The following SLC30A7 variants were observed in gnomAD, a reference collection of about 807,000 sequenced individuals.
SLC30A7 encodes the protein solute carrier family 30 member 7, also known as zinc transporter 7.
SLC30A7 carries 35 observed loss-of-function variants against 46.0 expected under a neutral mutation model. That is an observed-to-expected ratio of 0.76 (90% CI 0.58 to 1.01). The LOEUF is 1.01. Ranked by LOEUF, SLC30A7 falls within the 50% of genes least tolerant of loss-of-function variation. The pLI, the probability that SLC30A7 is intolerant of heterozygous loss-of-function variation, is 0.00. For missense variants in SLC30A7, 464 were observed against 451.1 expected (o/e 1.03, Z -0.26); for synonymous variants, 147 against 157.8 (o/e 0.93, Z 0.51).
chr1:100,913,632 A>T, intron 5 of SLC30A7, 31 bp from the exon 6 acceptor site: 1 of 1,531,318 alleles, frequency 6.5e-7, no homozygotes, highest in Non-Finnish European at 9.0e-7. Flanking sequence ...ATATTTTTAC[A>T]TACCTTCTGT....
intron 4 of SLC30A7, 77 bp downstream of exon 4, chr1:100,911,227 G>T: frequency 1.0e-6 from 1 of 985,348 alleles, no homozygotes; most frequent in South Asian, 1.6e-5. Context: ...ATATATGTAA[G>T]TTTTTTTCAA....
rs145020386 is a variant in SLC30A7, at chr1:100,949,818, C to T, written c.843-12010C>T. On this transcript the variant is annotated intron_variant, in intron 8 of 10. Coordinates refer to ENST00000357650, the MANE Select transcript of SLC30A7 (RefSeq NM_133496.5). ...CTCTGTGGGTATGGGACCCACTAAG[C>T]CAGGCATGAGAGAGAATCTCCTGGT... is the stretch of plus-strand genomic sequence containing the variant. 2.0e-5 allele frequency among the ~76,000 whole-genome samples: 3 copies of T among 152,328 alleles called. No homozygotes were observed. The East Asian group carries it at 5.8e-4, about 29-fold the overall frequency.
intron 9 of SLC30A7, among the ~76,000 whole-genome samples, chr1:100,962,402 A>T (rs1277585862): frequency 6.6e-6 from 1 of 152,254 alleles, no homozygotes; most frequent in Non-Finnish European, 1.5e-5. Flanking sequence ...GCTACCTTAG[A>T]TTCACTAAGG....
intron 2 of SLC30A7, 130 bp from the exon 3 acceptor site, chr1:100,906,722 A>G: frequency 1.6e-6 from 1 of 630,080 alleles, no homozygotes; most frequent in South Asian, 1.9e-5. Context: ...AGCTATCTAT[A>G]TAGCATATTT....
chr1:100,928,051 A>G (rs967488714), intron 8 of SLC30A7, among the ~76,000 whole-genome samples: 3 of 152,196 alleles, frequency 2.0e-5, no homozygotes, highest in Admixed American at 6.5e-5. Context: ...GATTGCCCAC[A>G]TGGATAATTT....
chr1:100,961,802 TA>T, intron 8 of SLC30A7, 25 bp from the exon 9 acceptor site: 1 of 1,439,020 alleles, frequency 6.9e-7, no homozygotes, highest in Non-Finnish European at 9.7e-7. Context: ...GTGACTTTAA[TA>T]AATTGTTGTC....
rs750876200 is a variant in SLC30A7 at position 100,896,108 on chromosome 1, G to T, written c.-155G>T. On this transcript the variant is annotated 5_prime_UTR_variant, in exon 1 of 11. Coordinates refer to ENST00000357650, the MANE Select transcript of SLC30A7 (RefSeq NM_133496.5). Reference sequence around the variant, plus strand: ...CCGGGCCGGAAGTAAGCGAATTCCCGGGTGTGTGTCTGTGTCTGTCTGTGT... The same window carrying T: ...CCGGGCCGGAAGTAAGCGAATTCCCTGGTGTGTGTCTGTGTCTGTCTGTGT... The T allele has an allele frequency of 1.8e-5, 12 of 663,404 alleles. No homozygotes were observed. The highest frequency in any genetic ancestry group is 3.2e-5 in the Non-Finnish European group (12 of 371,588). 41.1% of individuals were successfully genotyped at this position (663,404 alleles called of 1,614,324 possible). A position where few individuals can be genotyped will look rare whatever the true frequency, so the allele number is the denominator to read the frequency against.
At position 100,965,804 on chromosome 1, in the gene SLC30A7, A is replaced by G. The variant is rs781045297; in HGVS notation, c.969A>G (p.Glu323=). ...QQLQGVYSLQ[E]QHFWTLCSDV... is the part of the protein sequence containing the mutation. The stretch of plus-strand genomic sequence containing the variant: ...TGCAAGGAGTTTACAGTTTACAGGA[A>G]CAGCACTTCTGGACTTTATGTTCTG... Residue 323 remains glutamate (E), a synonymous_variant, in exon 10 of 11, where the codon GAA becomes GAG. Transcript: ENST00000357650. 6 of 1,613,768 alleles carry G rather than the reference A, an allele frequency of 3.7e-6. No individual in the cohort carries two copies. Among genetic ancestry groups the G allele is most frequent in the African/African-American group, 1.3e-5 (1 of 74,908 alleles).
intron 8 of SLC30A7, 23 bp downstream of exon 8, chr1:100,921,864 A>G (rs997150452): frequency 6.3e-7 from 1 of 1,588,388 alleles, no homozygotes; most frequent in African/African-American, 1.3e-5. Context: ...GTTACTTTCA[A>G]GTATTAAAGT....
intron 8 of SLC30A7, among the ~76,000 whole-genome samples, chr1:100,947,756 A>G (rs1259021714): frequency 2.6e-5 from 4 of 152,198 alleles, no homozygotes; most frequent in Non-Finnish European, 5.9e-5. Context: ...TATATTTAGG[A>G]TAGTTAGCTC....
intron 10 of SLC30A7, among the ~76,000 whole-genome samples, chr1:100,971,814 GAATATATGTACAGTCGAAAT>G (rs1181717755): frequency 6.6e-6 from 1 of 152,108 alleles, no homozygotes; most frequent in Non-Finnish European, 1.5e-5. Context: ...GGATAAGGAT[GAATATATGTACAGTCGAAAT>G]AATTTTCTAT....
At chr1:100,896,392 A>AG in intron 1 of SLC30A7, 50 bp downstream of exon 1, 3 of 1,594,322 alleles carry the variant, frequency 1.9e-6, no homozygotes, top group Non-Finnish European at 2.6e-6. Context: ...GAAAGGGAGA[A>AG]GGCCCAGACC....
intron 7 of SLC30A7, among the ~76,000 whole-genome samples, chr1:100,921,152 C>T (rs1300674994): frequency 6.6e-6 from 1 of 152,048 alleles, no homozygotes; most frequent in African/African-American, 2.4e-5. Flanking sequence ...TGCCTGCTTT[C>T]ACGTCACCTC....
At position 100,980,664 on chromosome 1, in the gene SLC30A7, C is replaced by T. The variant is rs143243660; in HGVS notation, c.*5807C>T. On this transcript the variant is annotated 3_prime_UTR_variant, in exon 11 of 11. Coordinates refer to ENST00000357650, the MANE Select transcript of SLC30A7 (RefSeq NM_133496.5). Reference sequence around the variant, plus strand: ...TAAATGACTATATATTCACCTTGGCCATTTTTTTTTTTAAGTAGCCCTATG... The same window carrying T: ...TAAATGACTATATATTCACCTTGGCTATTTTTTTTTTTAAGTAGCCCTATG... 1 of 151,736 alleles carries T rather than the reference C, an allele frequency of 6.6e-6. No homozygotes were observed. Among genetic ancestry groups the T allele is most frequent in the African/African-American group, 2.4e-5 (1 of 41,416 alleles). 9.4% of individuals were successfully genotyped at this position (151,736 alleles called of 1,614,324 possible).
chr1:100,960,742 C>G (rs12140641), intron 8 of SLC30A7, among the ~76,000 whole-genome samples: 1 of 152,062 alleles, frequency 6.6e-6, no homozygotes, highest in African/African-American at 2.4e-5. Context: ...CCCTCTCAAT[C>G]TACTTCAAGC....
downstream of SLC30A7, among the ~76,000 whole-genome samples, chr1:100,985,845 A>G (rs914744866): frequency 1.3e-5 from 2 of 152,224 alleles, no homozygotes; most frequent in Non-Finnish European, 1.5e-5. Flanking sequence ...AAAATTTAAA[A>G]CGTTTGCTTT....
At chr1:100,956,227 G>C (rs933420296) in intron 8 of SLC30A7, among the ~76,000 whole-genome samples, 3 of 151,922 alleles carry the variant, frequency 2.0e-5, no homozygotes, top group Non-Finnish European at 2.9e-5. Context: ...TATTGTTCTT[G>C]AATGGTGTTA....
intron 6 of SLC30A7, among the ~76,000 whole-genome samples, chr1:100,917,386 T>G (rs1652637588): frequency 6.6e-6 from 1 of 152,206 alleles, no homozygotes; most frequent in Non-Finnish European, 1.5e-5. Flanking sequence ...CCTTGACCTT[T>G]TTGGTGCTGT....
At position 100,921,829 on chromosome 1, in the gene SLC30A7, T is replaced by C; in HGVS notation, c.830T>C (p.Leu277Pro). 6.2e-7 allele frequency: 1 copy of C among 1,612,696 alleles called. No homozygotes were observed. The highest frequency in any genetic ancestry group is 8.5e-7 in the Non-Finnish European group (1 of 1,179,584). The part of the protein sequence containing the change: ...DPICSILIAI[L>P]IVVSVIPLLR... ...ATCTGTTCAATTCTTATAGCCATTC[T>C]TATAGTTGTAAGGTAAGTGTTATTG... The change falls in exon 8 of 11, where the codon CTT (leucine) becomes CCT (proline). Residue 277 changes from leucine to proline, a missense_variant. Leu to Pro is a moderately conservative substitution (Grantham distance 98). Transcript: ENST00000357650.
Sources: gnomAD v4.1 joint callset for allele counts (sites outside exome capture counted in the v4.1 genomes callset) on GRCh38, gnomAD v4.1.1 for gene constraint, MANE v1.5 for transcripts, NCBI Gene and HGNC (gene_info 2026-07-23, HGNC 2026-07-21) for gene names.